The following SMYD3 variants were observed in gnomAD, a reference collection of about 807,000 sequenced individuals.
SMYD3 encodes SET and MYND domain containing 3.
Under a neutral mutation model 57.7 loss-of-function variants are expected in SMYD3, and 36 were observed. That is an observed-to-expected ratio of 0.62 (90% CI 0.48 to 0.82). The LOEUF (loss-of-function observed/expected upper bound fraction) is 0.82. SMYD3 is among the 40% of genes least tolerant of loss of function. The pLI, the probability that SMYD3 is intolerant of heterozygous loss-of-function variation, is 0.00. For synonymous variants in SMYD3, 211 were observed against 195.0 expected, an observed-to-expected ratio of 1.08 and a Z score of -0.68; for missense variants, 515 against 538.8, an observed-to-expected ratio of 0.96 and a Z score of 0.44.
At chr1:245,960,709 A>C (rs1301792324) in intron 5 of SMYD3, among the ~76,000 whole-genome samples, 1 of 149,922 alleles carries the variant, frequency 6.7e-6, no homozygotes, top group Non-Finnish European at 1.5e-5. Context: ...CCTGGGTGAC[A>C]GAAACCAGAC....
intron 5 of SMYD3, among the ~76,000 whole-genome samples, chr1:245,931,219 A>G (rs907982746): frequency 3.9e-5 from 6 of 152,218 alleles, no homozygotes; most frequent in African/African-American, 1.4e-4. Flanking sequence ...GCTGTTGTGT[A>G]GAGAATGGGC....
intron 5 of SMYD3, among the ~76,000 whole-genome samples, chr1:246,137,128 G>C (rs1211081436): frequency 6.6e-6 from 1 of 152,122 alleles, no homozygotes; most frequent in Non-Finnish European, 1.5e-5. Flanking sequence ...GTCACGTGCT[G>C]TAATATTCAT....
chr1:245,754,923 AC>A (rs2045545181), intron 11 of SMYD3, among the ~76,000 whole-genome samples: 1 of 152,224 alleles, frequency 6.6e-6, no homozygotes, highest in Non-Finnish European at 1.5e-5. Context: ...GGAAGGAGGA[AC>A]CAGGTGGCCC....
chr1:246,327,438 T>G (rs921710099), intron 4 of SMYD3, 101 bp from the exon 5 acceptor site: 1 of 1,005,786 alleles, frequency 9.9e-7, no homozygotes. Flanking sequence ...ATTTCCTACC[T>G]TACATTGGAT....
chr1:246,090,034 T>C (rs2060794447), intron 5 of SMYD3, among the ~76,000 whole-genome samples: 1 of 152,132 alleles, frequency 6.6e-6, no homozygotes, highest in African/African-American at 2.4e-5. Flanking sequence ...CTCTGTCCTC[T>C]TGGTACCAAA....
At chr1:245,940,526 A>T (rs2057191520) in intron 5 of SMYD3, among the ~76,000 whole-genome samples, 1 of 152,098 alleles carries the variant, frequency 6.6e-6, no homozygotes, top group African/African-American at 2.4e-5. Flanking sequence ...GGACTCAGCA[A>T]ACCACAGCAG....
At chr1:246,261,720 A>T (rs1398581663) in intron 5 of SMYD3, among the ~76,000 whole-genome samples, 1 of 152,060 alleles carries the variant, frequency 6.6e-6, no homozygotes, top group Non-Finnish European at 1.5e-5. Context: ...AAAAAAAATC[A>T]GTTCTCTGTT....
At chr1:246,172,779 T>C (rs1362710559) in intron 5 of SMYD3, among the ~76,000 whole-genome samples, 2 of 149,554 alleles carry the variant, frequency 1.3e-5, no homozygotes, top group Non-Finnish European at 3.0e-5. Context: ...TACTCTACTG[T>C]AGACTTTATC....
chr1:246,192,535 C>T (rs149711281), intron 5 of SMYD3, among the ~76,000 whole-genome samples: 137 of 152,242 alleles, frequency 9.0e-4, no homozygotes, highest in Non-Finnish European at 1.7e-3. Flanking sequence ...GAATTACAGG[C>T]GTGAGCCACT....
chr1:246,055,094 T>A (rs2060128477), intron 5 of SMYD3, among the ~76,000 whole-genome samples: 1 of 151,386 alleles, frequency 6.6e-6, no homozygotes. Context: ...GAGAATGGAG[T>A]GAACCCGGGT....
intron 5 of SMYD3, among the ~76,000 whole-genome samples, chr1:245,933,916 C>T (rs956327405): frequency 6.6e-6 from 1 of 152,112 alleles, no homozygotes; most frequent in Non-Finnish European, 1.5e-5. Flanking sequence ...AATTCTACAC[C>T]ATAAGACAAG....
chr1:246,361,683 A>G (rs1431784791), intron 1 of SMYD3, among the ~76,000 whole-genome samples: 1 of 152,230 alleles, frequency 6.6e-6, no homozygotes, highest in Non-Finnish European at 1.5e-5. Context: ...ATCTAAGTAA[A>G]GTAACTCAGG....
At chr1:246,386,120 C>T (rs2066475998) in intron 1 of SMYD3, among the ~76,000 whole-genome samples, 1 of 152,170 alleles carries the variant, frequency 6.6e-6, no homozygotes, top group South Asian at 2.1e-4. Context: ...GATCTCCTGA[C>T]CTCGTGATCC....
At chr1:246,420,183 A>G (rs1038340339) in intron 1 of SMYD3, among the ~76,000 whole-genome samples, 1 of 150,394 alleles carries the variant, frequency 6.6e-6, no homozygotes, top group Non-Finnish European at 1.5e-5. Context: ...TGGGCGACAG[A>G]GCAAGACTGT....
rs559718867 is a variant in SMYD3 at position 246,185,501 on chromosome 1, CTGGAGTG to C, written c.531+141693_531+141699del. Among the ~76,000 whole-genome samples, 219 of 137,634 alleles carry C rather than the reference CTGGAGTG, an allele frequency of 1.6e-3. 1 individual carries two copies. The highest frequency in any genetic ancestry group is 5.5e-3 in the African/African-American group (201 of 36,302). The allele number at this position is 137,634 out of a possible 152,430, so 90.3% of individuals were successfully genotyped here. A position where few individuals can be genotyped will look rare whatever the true frequency, so the allele number is the denominator to read the frequency against. ...ACGGAGTTTTGCTCTGTCGCCCAGG[CTGGAGTG>C]TGGAGTGCAGTGGCGCGATCTCGGC... On this transcript the variant is annotated intron_variant, in intron 5 of 11. Transcript: ENST00000490107.
At chr1:246,398,078 G>A (rs941476487) in intron 1 of SMYD3, among the ~76,000 whole-genome samples, 1 of 152,148 alleles carries the variant, frequency 6.6e-6, no homozygotes, top group Non-Finnish European at 1.5e-5. Flanking sequence ...ACCAATCTTA[G>A]GCTCTACAAT....
chr1:246,101,071 GTTTTTTTTTTTTTTT>G (rs754724096), intron 5 of SMYD3, among the ~76,000 whole-genome samples: 1,771 of 54,160 alleles, frequency 0.033, 63 homozygotes, highest in African/African-American at 0.086. Flanking sequence ...GGGGTTTTTT[GTTTTTTTTTTTTTTT>G]TTTTTTTTTT....
chr1:246,449,886 A>G (rs2067605872), intron 1 of SMYD3, among the ~76,000 whole-genome samples: 1 of 152,008 alleles, frequency 6.6e-6, no homozygotes, highest in Admixed American at 6.6e-5. Flanking sequence ...TGTTATTGGG[A>G]GTATAGAGCC....
At chr1:246,165,555 G>A (rs114437376) in intron 5 of SMYD3, among the ~76,000 whole-genome samples, 7,815 of 152,158 alleles carry the variant, frequency 0.051, 260 homozygotes, top group Middle Eastern at 0.075. Context: ...TCAGGGGTGA[G>A]GAGAGGTGAA....
Sources: allele counts gnomAD v4.1 joint callset (sites outside exome capture counted in the v4.1 genomes callset), GRCh38; gene constraint gnomAD v4.1.1; transcripts MANE v1.5; gene names NCBI Gene and HGNC (gene_info 2026-07-23, HGNC 2026-07-21).